DOK6: variants seen among roughly 807,000 people sequenced by gnomAD.
DOK6 encodes docking protein 6.
DOK6 carries 22 observed loss-of-function variants against 44.0 expected under a neutral mutation model. The ratio of observed to expected loss-of-function variants is 0.50; its 90% CI spans 0.36 to 0.71. The LOEUF is 0.71. DOK6 is among the 30% of genes least tolerant of loss of function. The probability of loss-of-function intolerance (pLI) is 0.00; values close to 1 mark genes in which losing one functional copy is unlikely to be tolerated. For synonymous variants in DOK6, 166 were observed against 145.5 expected (o/e 1.14, Z -1.01); for missense variants, 340 against 416.4 (o/e 0.82, Z 1.60).
At chr18:69,810,852 G>T (rs1981201869) in intron 7 of DOK6, among the ~76,000 whole-genome samples, 2 of 151,980 alleles carry the variant, frequency 1.3e-5, no homozygotes, top group South Asian at 4.1e-4. Context: ...CTGCTAATGG[G>T]AATGTAAATT....
intron 3 of DOK6, 65 bp downstream of exon 3, chr18:69,599,563 C>A (rs1215956090): frequency 3.0e-6 from 4 of 1,322,708 alleles, no homozygotes; most frequent in Non-Finnish European, 4.3e-6. Flanking sequence ...ATGGCCCAGG[C>A]GGATTAAGGT....
In DOK6 at chr18:69,500,644, T is replaced by C. The variant is rs190312732; in HGVS notation, c.67-63843T>C. On this transcript the variant is annotated intron_variant, in intron 1 of 7. Transcript: ENST00000382713. Reference sequence around the variant, plus strand: ...GAATACTTTGCTGAGAGTTCAATCATTTAAGTAAATATTAATGTATGTTAC... The same window carrying C: ...GAATACTTTGCTGAGAGTTCAATCACTTAAGTAAATATTAATGTATGTTAC... Among the ~76,000 whole-genome samples, 15 of 152,290 alleles carry C rather than the reference T, an allele frequency of 9.8e-5. No homozygotes were observed. In the East Asian group the frequency reaches 2.9e-3, roughly 29 times the overall value.
At chr18:69,430,951 C>T (rs963708521) in intron 1 of DOK6, among the ~76,000 whole-genome samples, 3 of 152,104 alleles carry the variant, frequency 2.0e-5, no homozygotes, top group Non-Finnish European at 4.4e-5. Flanking sequence ...GGCGACAGAG[C>T]GAGTCTCCGT....
intron 1 of DOK6, among the ~76,000 whole-genome samples, chr18:69,530,963 A>G (rs1981968869): frequency 6.6e-6 from 1 of 152,062 alleles, no homozygotes; most frequent in African/African-American, 2.4e-5. Context: ...TTGGGTGCAT[A>G]TATATTTAGG....
At chr18:69,536,754 A>T (rs1982132523) in intron 1 of DOK6, among the ~76,000 whole-genome samples, 1 of 151,850 alleles carries the variant, frequency 6.6e-6, no homozygotes, top group Non-Finnish European at 1.5e-5. Flanking sequence ...ATATCACAAG[A>T]TTTTTTGTTT....
chr18:69,805,662 C>T (rs1041467996), intron 7 of DOK6, among the ~76,000 whole-genome samples: 6 of 152,022 alleles, frequency 3.9e-5, no homozygotes, highest in African/African-American at 1.4e-4. Flanking sequence ...ATAAACCAAA[C>T]AGACCATAGT....
At chr18:69,742,667 G>A (rs1978845927) in intron 6 of DOK6, among the ~76,000 whole-genome samples, 1 of 152,198 alleles carries the variant, frequency 6.6e-6, no homozygotes. Context: ...ACCCTGCACA[G>A]TGGTACAGGG....
chr18:69,752,249 T>C (rs1979207821), intron 6 of DOK6, among the ~76,000 whole-genome samples: 1 of 152,130 alleles, frequency 6.6e-6, no homozygotes, highest in South Asian at 2.1e-4. Flanking sequence ...TATAAAAATG[T>C]ATTTTTTTAA....
chr18:69,724,051 T>C (rs1026388214), intron 5 of DOK6, among the ~76,000 whole-genome samples: 2 of 152,252 alleles, frequency 1.3e-5, no homozygotes, highest in Non-Finnish European at 2.9e-5. Context: ...GATTTGCTTT[T>C]TAATTCTCTC....
chr18:69,530,533 C>A (rs1981956315), intron 1 of DOK6, among the ~76,000 whole-genome samples: 1 of 151,834 alleles, frequency 6.6e-6, no homozygotes, highest in African/African-American at 2.4e-5. Flanking sequence ...GAATAATTAA[C>A]CAAGAAAGAT....
intron 4 of DOK6, 120 bp downstream of exon 4, chr18:69,677,973 G>C: frequency 7.1e-7 from 1 of 1,400,896 alleles, no homozygotes; most frequent in Non-Finnish European, 9.4e-7. Flanking sequence ...AAAAGGCCGA[G>C]TGCAGTGGCG....
intron 1 of DOK6, among the ~76,000 whole-genome samples, chr18:69,441,944 A>G (rs1214331720): frequency 6.6e-6 from 1 of 152,150 alleles, no homozygotes; most frequent in Non-Finnish European, 1.5e-5. Context: ...AGAGTTCAGA[A>G]AAATACTTTA....
intron 1 of DOK6, among the ~76,000 whole-genome samples, chr18:69,409,620 T>G (rs1451951050): frequency 2.6e-5 from 4 of 152,212 alleles, no homozygotes; most frequent in African/African-American, 9.6e-5. Context: ...CAAGGAAAGT[T>G]TTTAATTCTA....
At chr18:69,484,666 G>A (rs1167653766) in intron 1 of DOK6, among the ~76,000 whole-genome samples, 1 of 152,058 alleles carries the variant, frequency 6.6e-6, no homozygotes, top group African/African-American at 2.4e-5. Context: ...AACATCTTAT[G>A]TAATACATAT....
chr18:69,791,705 T>A (rs1477508833), intron 7 of DOK6, among the ~76,000 whole-genome samples: 1 of 152,148 alleles, frequency 6.6e-6, no homozygotes, highest in Non-Finnish European at 1.5e-5. Context: ...CTATGAATTG[T>A]CTCTTTACTT....
intron 1 of DOK6, among the ~76,000 whole-genome samples, chr18:69,506,875 G>GCACA (rs35233817): frequency 4.1e-4 from 62 of 150,104 alleles, no homozygotes; most frequent in Non-Finnish European, 4.3e-4. Context: ...TGTTGAAAAT[G>GCACA]CACACACACA....
chr18:69,418,930 C>A (rs1471592871), intron 1 of DOK6, among the ~76,000 whole-genome samples: 1 of 151,980 alleles, frequency 6.6e-6, no homozygotes, highest in Admixed American at 6.6e-5. Context: ...TTAGCTGGGA[C>A]TTTTTCATTT....
intron 7 of DOK6, among the ~76,000 whole-genome samples, chr18:69,811,918 T>C (rs921883094): frequency 5.9e-5 from 9 of 152,088 alleles, no homozygotes; most frequent in African/African-American, 1.7e-4. Flanking sequence ...AAATAAATGT[T>C]TAGTGAACAT....
At chr18:69,444,152 C>T (rs994260378) in intron 1 of DOK6, among the ~76,000 whole-genome samples, 6 of 152,094 alleles carry the variant, frequency 3.9e-5, no homozygotes, top group Middle Eastern at 3.4e-3. Context: ...TAAATGACTT[C>T]GAGGAAATGG....
Sources: gnomAD v4.1 joint callset for allele counts (sites outside exome capture counted in the v4.1 genomes callset) on GRCh38, gnomAD v4.1.1 for gene constraint, MANE v1.5 for transcripts, NCBI Gene and HGNC (gene_info 2026-07-23, HGNC 2026-07-21) for gene names.